Variants in UBE4B observed in about 807,000 individuals in gnomAD.
UBE4B encodes ubiquitination factor E4B.
UBE4B carries 27 observed loss-of-function variants against 148.1 expected under a neutral mutation model. The observed-to-expected ratio is 0.18, with a 90% CI of 0.13 to 0.25. UBE4B has a LOEUF of 0.25. Ranked by LOEUF, UBE4B falls within the 10% of genes least tolerant of loss-of-function variation. The pLI is 1.00. For missense variants in UBE4B, 1,170 were observed against 1,662.4 expected (o/e 0.70, Z 5.15); for synonymous variants, 596 against 619.3 (o/e 0.96, Z 0.56).
chr1:10,082,077 GT>G (rs1644691607), intron 2 of UBE4B, among the ~76,000 whole-genome samples: 2 of 152,134 alleles, frequency 1.3e-5, no homozygotes, highest in African/African-American at 4.8e-5. Flanking sequence ...GTTTATGTTG[GT>G]TGTTACATTG....
At chr1:10,139,404 AAAAG>A (rs1159077226) in intron 17 of UBE4B, among the ~76,000 whole-genome samples, 6 of 152,268 alleles carry the variant, frequency 3.9e-5, no homozygotes, top group East Asian at 3.9e-4. Context: ...AAGAAAAAAA[AAAAG>A]AAAGAACTGG....
At chr1:10,174,849 G>A (rs1224249329) in intron 25 of UBE4B, among the ~76,000 whole-genome samples, 1 of 152,134 alleles carries the variant, frequency 6.6e-6, no homozygotes, top group Non-Finnish European at 1.5e-5. Flanking sequence ...TGGTGGGGCA[G>A]GGGGCGGTAA....
At chr1:10,075,764 T>A (rs1196403729) in intron 2 of UBE4B, among the ~76,000 whole-genome samples, 1 of 152,216 alleles carries the variant, frequency 6.6e-6, no homozygotes, top group Non-Finnish European at 1.5e-5. Context: ...ATCTATTCTC[T>A]GTTCAGGCCA....
chr1:10,131,257 A>G lies in UBE4B; in HGVS notation c.1911+444A>G, dbSNP rs1164162736. 2.6e-5 allele frequency among the ~76,000 whole-genome samples: 4 copies of G among 152,126 alleles called. No individual in the cohort carries two copies. The East Asian group carries it at 7.7e-4, about 29-fold the overall frequency. ...TTTGGGAGGCCGAGTGGGGTGGATC[A>G]CCTGAGGTCAGGAGTTTGAGAACAG... is the stretch of plus-strand genomic sequence containing the variant. On this transcript the variant is annotated intron_variant, in intron 14 of 27. Coordinates refer to ENST00000343090, the MANE Select transcript of UBE4B (RefSeq NM_001105562.3).
Position 10,106,874 on chromosome 1 carries a change from A to G in UBE4B, c.1196+291A>G, listed in dbSNP as rs1645121738. On this transcript the variant is annotated intron_variant, in intron 7 of 27. Transcript: ENST00000343090. The surrounding 1 kb of genome is among the most constrained non-coding windows in gnomAD (Gnocchi z 4.2). ...GGCCTTTTGTCCTGTTGCCAGTGGTAGTTGAAATGCTATCAGACCAAGCAG... is the reference window on the plus strand; with the variant it reads ...GGCCTTTTGTCCTGTTGCCAGTGGTGGTTGAAATGCTATCAGACCAAGCAG... 6.6e-6 allele frequency among the ~76,000 whole-genome samples: 1 copy of G among 152,098 alleles called. No individual in the cohort carries two copies. The highest frequency in any genetic ancestry group is 2.1e-4 in the South Asian group (1 of 4,832).
At chr1:10,177,926 G>A (rs1646450919) in intron 25 of UBE4B, among the ~76,000 whole-genome samples, 1 of 151,796 alleles carries the variant, frequency 6.6e-6, no homozygotes, top group African/African-American at 2.4e-5. Context: ...ATTTGCCTAC[G>A]ACTGCACAGC....
At chr1:10,038,033 C>T (rs1156618282) in intron 1 of UBE4B, among the ~76,000 whole-genome samples, 3 of 151,982 alleles carry the variant, frequency 2.0e-5, no homozygotes, top group Non-Finnish European at 4.4e-5. Context: ...GTAATCCCAG[C>T]GCTTTGGGAG....
chr1:10,112,786 A>C (rs1007239479), intron 7 of UBE4B, among the ~76,000 whole-genome samples: 2 of 152,188 alleles, frequency 1.3e-5, no homozygotes, highest in Admixed American at 1.3e-4. Flanking sequence ...CTTGTAAATC[A>C]GTTTTTGACC....
At position 10,130,633 on chromosome 1, in the gene UBE4B, C is replaced by T; in HGVS notation, c.1812+17C>T. 6.2e-7 allele frequency: 1 copy of T among 1,612,464 alleles called. No individual in the cohort carries two copies. The highest frequency in any genetic ancestry group is 8.5e-7 in the Non-Finnish European group (1 of 1,178,476). On this transcript the variant is annotated intron_variant, in intron 13 of 27. Transcript: ENST00000343090. Reference sequence around the variant, plus strand: ...GAAGATGATGTAAGTATAGTGGCTACTTGTACTTTGCTGCCCTTTTATTCA... The same window carrying T: ...GAAGATGATGTAAGTATAGTGGCTATTTGTACTTTGCTGCCCTTTTATTCA...
intron 23 of UBE4B, among the ~76,000 whole-genome samples, chr1:10,166,048 C>G (rs1328390914): frequency 1.3e-5 from 2 of 152,130 alleles, no homozygotes; most frequent in Non-Finnish European, 1.5e-5. Flanking sequence ...TAGGCTCATT[C>G]TTGACCAGGG....
intron 1 of UBE4B, among the ~76,000 whole-genome samples, chr1:10,041,339 T>C: frequency 6.7e-6 from 1 of 150,098 alleles, no homozygotes. Context: ...GGCATTCTTT[T>C]TTTTTTTTTT....
At chr1:10,054,466 G>C in intron 1 of UBE4B, 1 of 424,702 alleles carries the variant, frequency 2.4e-6, no homozygotes, top group Non-Finnish European at 4.6e-6. Flanking sequence ...TAGGTAATAG[G>C]TTCCAGCAGC....
At chr1:10,103,170 C>G (rs2101889455) in intron 5 of UBE4B, 78 bp downstream of exon 5, 1 of 1,423,530 alleles carries the variant, frequency 7.0e-7, no homozygotes, top group East Asian at 2.3e-5. Context: ...CCTCTGTTAT[C>G]CACATTCACT....
chr1:10,094,452 T>A (rs927071726), intron 2 of UBE4B, among the ~76,000 whole-genome samples: 4 of 151,370 alleles, frequency 2.6e-5, no homozygotes, highest in Non-Finnish European at 5.9e-5. Context: ...TTTTTTTTTT[T>A]AGACGGAGTC....
Position 10,072,132 on chromosome 1 carries a change from G to T in UBE4B, c.129G>T (p.Ala43=). The T allele has an allele frequency of 6.2e-7, 1 of 1,613,572 alleles. No individual in the cohort carries two copies. Among genetic ancestry groups the T allele is most frequent in the Non-Finnish European group, 8.5e-7 (1 of 1,179,812 alleles). ...AGAACCCTCCGGGGCCTCCCATAGC[G>T]GCATCAGCCCCAGGACCCTCTCAGA... ...QRENPPGPPI[A]ASAPGPSQSL... The change falls in exon 2 of 28, where the codon GCG becomes GCT. Residue 43 remains alanine, a synonymous_variant. Coordinates refer to ENST00000343090, the MANE Select transcript of UBE4B (RefSeq NM_001105562.3).
In UBE4B at chr1:10,104,047, A is replaced by C. The variant is rs573170373; in HGVS notation, c.580+955A>C. Among the ~76,000 whole-genome samples, 12 of 152,300 alleles carry C rather than the reference A, an allele frequency of 7.9e-5. No individual in the cohort carries two copies. In the South Asian group the frequency reaches 2.5e-3, roughly 32 times the overall value. On this transcript the variant is annotated intron_variant, in intron 5 of 27. Coordinates refer to ENST00000343090, the MANE Select transcript of UBE4B (RefSeq NM_001105562.3). ...AGTGCTGGGATTACAGGCTTGAGCC[A>C]CCGAGCCTGGCCTTACCTCCTCTTA...
At chr1:10,038,927 G>A (rs1039495103) in intron 1 of UBE4B, among the ~76,000 whole-genome samples, 1 of 152,074 alleles carries the variant, frequency 6.6e-6, no homozygotes, top group African/African-American at 2.4e-5. Context: ...GGGTGTGATG[G>A]TACGCACCTG....
chr1:10,161,261 A>G lies in UBE4B; in HGVS notation c.3173A>G (p.Lys1058Arg), dbSNP rs1330890275. 4.3e-6 allele frequency: 7 copies of G among 1,614,152 alleles called. No individual in the cohort carries two copies. Among genetic ancestry groups the G allele is most frequent in the Non-Finnish European group, 5.9e-6 (7 of 1,180,010 alleles). The change falls in exon 23 of 28, where the codon AAA (lysine) becomes AGA (arginine). Residue 1058 changes from lysine (K) to arginine (R), a missense_variant. Transcript: ENST00000343090. The surrounding 1 kb of genome is among the most constrained non-coding windows in gnomAD (Gnocchi z 4.1). The part of the protein sequence containing the change: ...IHEVQEEMKN[K>R]EQWDQLPRDQ... ...GAAGTGCAGGAAGAGATGAAGAACA[A>G]AGAACAGTGGGACCAGTTGCCCCGG...
chr1:10,077,449 A>C (rs903757191), intron 2 of UBE4B, among the ~76,000 whole-genome samples: 10 of 152,076 alleles, frequency 6.6e-5, no homozygotes, highest in Non-Finnish European at 1.3e-4. Context: ...CAGGAGTATT[A>C]TTTCTTTGTT....
Sources: gnomAD v4.1 joint callset for allele counts (sites outside exome capture counted in the v4.1 genomes callset) on GRCh38, gnomAD v4.1.1 for gene constraint, Gnocchi (gnomAD v3.1) non-coding constraint, MANE v1.5 for transcripts, NCBI Gene and HGNC (gene_info 2026-07-23, HGNC 2026-07-21) for gene names.